CCR5AS: variants seen among roughly 807,000 people sequenced by gnomAD.
The protein encoded by CCR5AS is CCR5 antisense RNA.
Position 46,373,744 on chromosome 3 carries a change from T to C in CCR5AS, n.392-2327A>G, listed in dbSNP as rs777349996. On this transcript the variant is annotated intron_variant and non_coding_transcript_variant, in intron 2 of 3. Coordinates refer to ENST00000451485, the Ensembl canonical transcript of CCR5AS. Reference sequence around the variant, plus strand: ...AACAGGTTGGACCAAGCTATGCAGGTGACAGAGACTCTTGGGATGACGCAC... The same window carrying C: ...AACAGGTTGGACCAAGCTATGCAGGCGACAGAGACTCTTGGGATGACGCAC... The C allele has an allele frequency of 7.4e-6, 12 of 1,613,790 alleles. No individual in the cohort carries two copies. In the South Asian group the frequency reaches 9.9e-5, roughly 13 times the overall value.
intron 2 of CCR5AS, among the ~76,000 whole-genome samples, chr3:46,380,438 G>A (rs1223144545): frequency 2.6e-5 from 4 of 152,218 alleles, no homozygotes; most frequent in Non-Finnish European, 4.4e-5. Flanking sequence ...GGAATACTCA[G>A]TTACATTATC....
intron 3 of CCR5AS, among the ~76,000 whole-genome samples, chr3:46,366,014 C>A (rs1388770233): frequency 6.6e-6 from 1 of 152,202 alleles, no homozygotes; most frequent in Non-Finnish European, 1.5e-5. Context: ...TCTTCAGAGC[C>A]CCTTTCTTTG....
intron 1 of CCR5AS, among the ~76,000 whole-genome samples, chr3:46,403,040 C>A (rs1702016396): frequency 6.6e-6 from 1 of 152,222 alleles, no homozygotes; most frequent in African/African-American, 2.4e-5. Flanking sequence ...TAGCCTCCAG[C>A]TCCATTCGTG....
intron 1 of CCR5AS, among the ~76,000 whole-genome samples, chr3:46,395,376 G>A (rs956392442): frequency 2.0e-5 from 3 of 152,034 alleles, no homozygotes; most frequent in African/African-American, 7.3e-5. Context: ...CCGTAGGGGT[G>A]GACTCAATAG....
chr3:46,365,689 TG>T (rs1389312149), intron 3 of CCR5AS, among the ~76,000 whole-genome samples: 1 of 152,088 alleles, frequency 6.6e-6, no homozygotes, highest in Non-Finnish European at 1.5e-5. Flanking sequence ...CTAGATATGG[TG>T]GGGGCTCCAA....
chr3:46,386,215 C>A (rs1344873922), intron 2 of CCR5AS, among the ~76,000 whole-genome samples: 1 of 152,124 alleles, frequency 6.6e-6, no homozygotes, highest in African/African-American at 2.4e-5. Context: ...CCCACCCGAC[C>A]ACACTCCCAT....
chr3:46,401,974 G>A (rs926477553), intron 1 of CCR5AS, among the ~76,000 whole-genome samples: 1 of 152,016 alleles, frequency 6.6e-6, no homozygotes, highest in African/African-American at 2.4e-5. Flanking sequence ...TCCTCATGAA[G>A]GATCATAATG....
chr3:46,382,661 A>G (rs1357035972), intron 2 of CCR5AS, among the ~76,000 whole-genome samples: 1 of 152,194 alleles, frequency 6.6e-6, no homozygotes, highest in Non-Finnish European at 1.5e-5. Context: ...TATCTGCATC[A>G]TCCAAAATGG....
chr3:46,369,230 T>G (rs1320262060), intron 3 of CCR5AS, among the ~76,000 whole-genome samples: 1 of 152,184 alleles, frequency 6.6e-6, no homozygotes, highest in Non-Finnish European at 1.5e-5. Context: ...TTAAGAAAAC[T>G]AAGGCACAGA....
intron 3 of CCR5AS, among the ~76,000 whole-genome samples, chr3:46,369,973 T>C (rs1701639101): frequency 6.6e-6 from 1 of 152,186 alleles, no homozygotes; most frequent in South Asian, 2.1e-4. Context: ...CCAGAGGGCA[T>C]CTTGTGGCTC....
intron 2 of CCR5AS, among the ~76,000 whole-genome samples, chr3:46,377,651 C>T (rs1356147364): frequency 6.6e-6 from 1 of 152,026 alleles, no homozygotes; most frequent in East Asian, 1.9e-4. Flanking sequence ...TAAGAATTAC[C>T]ACCAACTACC....
intron 2 of CCR5AS, chr3:46,374,176 G>C: frequency 2.5e-6 from 1 of 406,512 alleles, no homozygotes. Flanking sequence ...AAAATATGTT[G>C]ATGAAAAATA....
At chr3:46,390,310 C>A (rs145819404) in intron 2 of CCR5AS, among the ~76,000 whole-genome samples, 1 of 151,932 alleles carries the variant, frequency 6.6e-6, no homozygotes, top group African/African-American at 2.4e-5. Flanking sequence ...GGAGGGTGTA[C>A]GGGTTTGGCA....
chr3:46,404,297 TTCTCTCTCTCTC>T (rs149336611), intron 1 of CCR5AS, among the ~76,000 whole-genome samples: 18 of 71,094 alleles, frequency 2.5e-4, no homozygotes, highest in African/African-American at 7.7e-4. Context: ...CAGCAAGGCT[TTCTCTCTCTCTC>T]TCTCTCTCTC....
intron 2 of CCR5AS, among the ~76,000 whole-genome samples, chr3:46,387,871 C>T (rs144421379): frequency 0.026 from 3,952 of 151,838 alleles, 74 homozygotes; most frequent in Middle Eastern, 0.044. Flanking sequence ...TGTCCTCTTG[C>T]GGGTACAGGC....
intron 1 of CCR5AS, among the ~76,000 whole-genome samples, chr3:46,404,629 C>T (rs1186767334): frequency 6.6e-6 from 1 of 152,034 alleles, no homozygotes. Flanking sequence ...TGAGCCACCA[C>T]AGCCAGCTCT....
intron 3 of CCR5AS, among the ~76,000 whole-genome samples, chr3:46,366,627 G>A (rs1701601991): frequency 6.6e-6 from 1 of 152,146 alleles, no homozygotes; most frequent in African/African-American, 2.4e-5. Context: ...GCTGGGAAGT[G>A]GGTTACCCTG....
chr3:46,366,394 C>T (rs1701597786), intron 3 of CCR5AS, among the ~76,000 whole-genome samples: 1 of 152,200 alleles, frequency 6.6e-6, no homozygotes, highest in African/African-American at 2.4e-5. Flanking sequence ...TATTGTTGAA[C>T]TGTTAGCTTA....
At chr3:46,393,464 A>T (rs892970681) in intron 1 of CCR5AS, among the ~76,000 whole-genome samples, 13 of 150,510 alleles carry the variant, frequency 8.6e-5, no homozygotes, top group Non-Finnish European at 1.0e-4. Context: ...GAGCCACAAA[A>T]AAAAAAGAAA....
Sources: allele counts gnomAD v4.1 joint callset (sites outside exome capture counted in the v4.1 genomes callset), GRCh38; gene constraint gnomAD v4.1.1; transcripts MANE v1.5; gene names NCBI Gene and HGNC (gene_info 2026-07-23, HGNC 2026-07-21).